STX17: variants seen among roughly 807,000 people sequenced by gnomAD.
The protein encoded by STX17 is syntaxin 17.
Under a neutral mutation model 35.9 loss-of-function variants are expected in STX17, and 29 were observed. The observed-to-expected ratio is 0.81, with a 90% CI of 0.60 to 1.10. STX17 has a LOEUF of 1.10. Ranked by LOEUF, STX17 falls within the 50% of genes least tolerant of loss-of-function variation. STX17 has a pLI of 0.00. For missense variants in STX17, 312 were observed against 352.3 expected (o/e 0.89, Z 0.92); for synonymous variants, 92 against 118.3 (o/e 0.78, Z 1.44).
intron 4 of STX17, among the ~76,000 whole-genome samples, chr9:99,955,259 C>T (rs1282091318): frequency 6.6e-6 from 1 of 151,894 alleles, no homozygotes; most frequent in Non-Finnish European, 1.5e-5. Flanking sequence ...TTCAGACCAG[C>T]GTATTGAATT....
chr9:99,962,873 T>C (rs1222681534), intron 6 of STX17, among the ~76,000 whole-genome samples: 1 of 152,198 alleles, frequency 6.6e-6, no homozygotes, highest in East Asian at 1.9e-4. Context: ...AGAAGCTCTA[T>C]TTAGGCACAG....
At position 99,915,271 on chromosome 9, in the gene STX17, G is replaced by A. The variant is rs200409116; in HGVS notation, c.32G>A (p.Arg11His). MSEDEEKVKL[R>H]RLEPAIQKFI... ...GAAGATGAAGAAAAAGTGAAATTAC[G>A]CCGTCTTGAACCAGCTATCCAGAAA... The change falls in exon 2 of 8, where the codon CGC (arginine) becomes CAC (histidine). Residue 11 changes from arginine (R) to histidine (H), a missense_variant. Transcript: ENST00000259400. The A allele has an allele frequency of 8.1e-6, 13 of 1,611,024 alleles. No homozygotes were observed. In the East Asian group the frequency reaches 9.0e-5, roughly 11 times the overall value.
At position 99,928,445 on chromosome 9, in the gene STX17, A is replaced by AT. The variant is rs1232515573; in HGVS notation, c.124-327dup. Among the ~76,000 whole-genome samples, 19 of 152,106 alleles carry AT rather than the reference A, an allele frequency of 1.2e-4. No individual in the cohort carries two copies. The East Asian group carries it at 3.7e-3, about 29-fold the overall frequency. ...ATATCTTATGAACACTGTTCTTTTC[A>AT]TTTTTTATATTATTTTACATTCTAA... On this transcript the variant is annotated intron_variant, in intron 2 of 7. Transcript: ENST00000259400.
At chr9:99,950,584 G>A (rs1829572455) in intron 3 of STX17, among the ~76,000 whole-genome samples, 1 of 151,894 alleles carries the variant, frequency 6.6e-6, no homozygotes, top group Non-Finnish European at 1.5e-5. Flanking sequence ...TGTAACCATT[G>A]AGCAGGAGGG....
chr9:99,926,334 G>A (rs2118359397), intron 2 of STX17, among the ~76,000 whole-genome samples: 1 of 151,796 alleles, frequency 6.6e-6, no homozygotes, highest in South Asian at 2.1e-4. Context: ...TTTTCTCATT[G>A]CAGATCATGT....
intron 4 of STX17, among the ~76,000 whole-genome samples, chr9:99,956,293 T>C (rs1271576245): frequency 1.3e-5 from 2 of 152,196 alleles, no homozygotes; most frequent in Non-Finnish European, 2.9e-5. Context: ...TAAGTATTAA[T>C]ATATAATAAT....
At chr9:99,909,658 G>A (rs997615304) in intron 1 of STX17, among the ~76,000 whole-genome samples, 5 of 152,104 alleles carry the variant, frequency 3.3e-5, no homozygotes, top group African/African-American at 1.2e-4. Context: ...CATGAAAGAA[G>A]AAATGCAATG....
intron 6 of STX17, among the ~76,000 whole-genome samples, chr9:99,966,271 T>C (rs1167225006): frequency 6.6e-6 from 1 of 152,202 alleles, no homozygotes; most frequent in South Asian, 2.1e-4. Flanking sequence ...TCTTAGGCAT[T>C]GTTTTAGAGA....
intron 3 of STX17, among the ~76,000 whole-genome samples, chr9:99,932,521 C>T (rs148843974): frequency 1.1e-4 from 16 of 152,248 alleles, no homozygotes; most frequent in African/African-American, 3.9e-4. Context: ...TGGTACTCAG[C>T]ATGTTAATGA....
At chr9:99,931,100 C>T (rs139810861) in intron 3 of STX17, among the ~76,000 whole-genome samples, 1 of 152,198 alleles carries the variant, frequency 6.6e-6, no homozygotes, top group Non-Finnish European at 1.5e-5. Flanking sequence ...CCTGCCTCAG[C>T]CTCCTGAGTA....
At chr9:99,912,612 A>G (rs1013589940) in intron 1 of STX17, among the ~76,000 whole-genome samples, 1 of 152,214 alleles carries the variant, frequency 6.6e-6, no homozygotes, top group Non-Finnish European at 1.5e-5. Flanking sequence ...AGGCAGCAGT[A>G]TGGATTTATG....
chr9:99,967,092 T>C (rs560039965), intron 6 of STX17, among the ~76,000 whole-genome samples: 23 of 152,186 alleles, frequency 1.5e-4, no homozygotes, highest in Non-Finnish European at 2.6e-4. Context: ...AGAACAGTGA[T>C]TTCATTCACT....
chr9:99,928,700 A>G, intron 2 of STX17, 78 bp from the exon 3 acceptor site: 5 of 1,237,244 alleles, frequency 4.0e-6, no homozygotes, highest in Non-Finnish European at 5.9e-6. Context: ...TGGGTGGGTG[A>G]GTGGGGATTT....
At chr9:99,926,343 G>A (rs1210063705) in intron 2 of STX17, among the ~76,000 whole-genome samples, 2 of 151,948 alleles carry the variant, frequency 1.3e-5, no homozygotes, top group African/African-American at 2.4e-5. Context: ...TGCAGATCAT[G>A]TTATTCTGCT....
At chr9:99,916,426 TATTTATTCATTCATTCATTC>T (rs1828773553) in intron 2 of STX17, among the ~76,000 whole-genome samples, 1 of 136,796 alleles carries the variant, frequency 7.3e-6, no homozygotes, top group African/African-American at 2.7e-5. Context: ...TTTATTTATT[TATTTATTCATTCATTCATTC>T]ATTCATTCAT....
intron 2 of STX17, among the ~76,000 whole-genome samples, chr9:99,919,975 A>G (rs1828857749): frequency 6.6e-6 from 1 of 152,238 alleles, no homozygotes; most frequent in Non-Finnish European, 1.5e-5. Context: ...CTGTGATTAC[A>G]ATGAAAGTAT....
At chr9:99,951,526 T>A (rs1285834850) in intron 4 of STX17, among the ~76,000 whole-genome samples, 1 of 152,000 alleles carries the variant, frequency 6.6e-6, no homozygotes, top group Non-Finnish European at 1.5e-5. Flanking sequence ...GTTTGTCTAT[T>A]TATTGAAGAG....
At chr9:99,912,191 A>T (rs1164247885) in intron 1 of STX17, among the ~76,000 whole-genome samples, 2 of 151,506 alleles carry the variant, frequency 1.3e-5, no homozygotes, top group Non-Finnish European at 2.9e-5. Flanking sequence ...GTGCCACTGC[A>T]CTCCAGCCTG....
chr9:99,916,412 TTTA>T (rs2118313719), intron 2 of STX17, among the ~76,000 whole-genome samples: 2 of 116,992 alleles, frequency 1.7e-5, no homozygotes, highest in Admixed American at 1.8e-4. Flanking sequence ...TATTTATTTA[TTTA>T]TTTATTTATT....
Sources: allele counts gnomAD v4.1 joint callset (sites outside exome capture counted in the v4.1 genomes callset), GRCh38; gene constraint gnomAD v4.1.1; transcripts MANE v1.5; gene names NCBI Gene and HGNC (gene_info 2026-07-23, HGNC 2026-07-21).